DIAPH2: variants seen among roughly 807,000 people sequenced by gnomAD.
The protein encoded by DIAPH2 is protein diaphanous homolog 2.
A neutral mutation model predicts 92.7 loss-of-function variants in DIAPH2; 35 were observed. That is an observed-to-expected ratio of 0.38 (90% CI 0.29 to 0.50). DIAPH2 has a LOEUF of 0.50. DIAPH2 is among the 20% of genes least tolerant of loss of function. The pLI, the probability that DIAPH2 is intolerant of heterozygous loss-of-function variation, is 0.94. For missense variants in DIAPH2, 701 were observed against 819.5 expected, an observed-to-expected ratio of 0.86 and a Z score of 1.77; for synonymous variants, 301 against 280.4, an observed-to-expected ratio of 1.07 and a Z score of -0.73.
At chrX:96,795,979 C>A (rs1569397345) in intron 4 of DIAPH2, among the ~76,000 whole-genome samples, 1 of 110,828 alleles carries the variant, frequency 9.0e-6, no homozygotes, top group African/African-American at 3.3e-5. Flanking sequence ...ACACAACCAA[C>A]GGAGAAATAG....
At chrX:96,908,820 C>T (rs1436555386) in intron 5 of DIAPH2, among the ~76,000 whole-genome samples, 2 of 111,490 alleles carry the variant, frequency 1.8e-5, no homozygotes, top group East Asian at 2.8e-4. Context: ...AGGATGGTCT[C>T]GATCTCCTGA....
At chrX:97,112,765 CTTTTTTTTTTTTT>C (rs60721723) in intron 20 of DIAPH2, among the ~76,000 whole-genome samples, 3 of 37,236 alleles carry the variant, frequency 8.1e-5, no homozygotes, top group Non-Finnish European at 1.3e-4. Flanking sequence ...CCCTTTCTTT[CTTTTTTTTTTTTT>C]TTTTTTTTTT....
intron 25 of DIAPH2, among the ~76,000 whole-genome samples, chrX:97,420,004 A>AT (rs1005563743): frequency 5.4e-5 from 6 of 110,320 alleles, no homozygotes; most frequent in Admixed American, 1.9e-4. Context: ...CGAATGTGAG[A>AT]TTTTTTTTTC....
At chrX:97,410,629 T>C (rs988813202) in intron 25 of DIAPH2, among the ~76,000 whole-genome samples, 1 of 111,837 alleles carries the variant, frequency 8.9e-6, no homozygotes, top group African/African-American at 3.3e-5. Context: ...TAAAGGAGGA[T>C]GTTCAAACCC....
At chrX:97,503,337 A>C (rs1272220580) in intron 26 of DIAPH2, among the ~76,000 whole-genome samples, 1 of 112,142 alleles carries the variant, frequency 8.9e-6, no homozygotes, top group Non-Finnish European at 1.9e-5. Flanking sequence ...TGAGGTCTCC[A>C]GGCAAGGTTT....
At chrX:97,480,008 C>T (rs1449747320) in intron 26 of DIAPH2, among the ~76,000 whole-genome samples, 1 of 111,870 alleles carries the variant, frequency 8.9e-6, no homozygotes. Flanking sequence ...GAAAATAGTA[C>T]TTTAATAATA....
chrX:97,182,407 A>G (rs187594808), intron 22 of DIAPH2, among the ~76,000 whole-genome samples: 75 of 111,546 alleles, frequency 6.7e-4, no homozygotes, highest in African/African-American at 2.4e-3. Flanking sequence ...AATTTTATTT[A>G]GAAGGCTGAG....
At chrX:96,784,927 A>G (rs2064444218) in intron 4 of DIAPH2, among the ~76,000 whole-genome samples, 1 of 112,464 alleles carries the variant, frequency 8.9e-6, no homozygotes, top group African/African-American at 3.2e-5. Context: ...AAAGATGAGC[A>G]GCAGTGGTTA....
chrX:97,282,583 A>G lies in DIAPH2; in HGVS notation c.2844+34744A>G, dbSNP rs1012969817. ...CTTGGCCTCCCAAAGTGCTGGGATT[A>G]CAGGCATGAGCCACCATGCCTGGCC... On this transcript the variant is annotated intron_variant, in intron 23 of 26. Transcript: ENST00000324765. 4.5e-5 allele frequency among the ~76,000 whole-genome samples: 5 copies of G among 112,099 alleles called. No homozygotes were observed. In the East Asian group the frequency reaches 1.4e-3, roughly 31 times the overall value.
At position 96,726,242 on chromosome X, in the gene DIAPH2, C is replaced by G. The variant is rs376360892; in HGVS notation, c.133-9516C>G. On this transcript the variant is annotated intron_variant, in intron 1 of 26. Transcript: ENST00000324765. Reference sequence around the variant, plus strand: ...TCTCTCTGTCGCTCTCTTCCTCTGTCTCTCTCCTCCCCCAGCCCCAATTCT... The same window carrying G: ...TCTCTCTGTCGCTCTCTTCCTCTGTGTCTCTCCTCCCCCAGCCCCAATTCT... 7.7e-5 allele frequency among the ~76,000 whole-genome samples: 6 copies of G among 77,623 alleles called. No homozygotes were observed. The South Asian group carries it at 3.4e-3, about 44-fold the overall frequency. The allele number at this position is 77,623 out of a possible 115,157, so 67.4% of individuals were successfully genotyped here.
chrX:97,488,905 T>G (rs2070706724), intron 26 of DIAPH2, among the ~76,000 whole-genome samples: 2 of 112,161 alleles, frequency 1.8e-5, no homozygotes, highest in African/African-American at 6.5e-5. Context: ...ATGTTCTTCT[T>G]TCTCAAGATT....
intron 24 of DIAPH2, among the ~76,000 whole-genome samples, chrX:97,375,782 A>T (rs183532420): frequency 6.3e-4 from 70 of 110,855 alleles, no homozygotes; most frequent in African/African-American, 2.0e-3. Context: ...AATAAGCAAA[A>T]AGTTTCCACC....
chrX:96,739,356 A>G (rs1379398316), intron 3 of DIAPH2, among the ~76,000 whole-genome samples: 2 of 111,759 alleles, frequency 1.8e-5, no homozygotes, highest in Non-Finnish European at 3.8e-5. Context: ...GAGATGAGGA[A>G]TTAAACCGTA....
At chrX:97,353,115 A>G (rs2069234007) in intron 24 of DIAPH2, among the ~76,000 whole-genome samples, 1 of 110,309 alleles carries the variant, frequency 9.1e-6, no homozygotes, top group Non-Finnish European at 1.9e-5. Context: ...CCATGCATGT[A>G]ACAAGATTGC....
At chrX:96,864,497 T>C (rs1217223115) in intron 4 of DIAPH2, among the ~76,000 whole-genome samples, 2 of 111,854 alleles carry the variant, frequency 1.8e-5, no homozygotes, top group Admixed American at 9.5e-5. Flanking sequence ...TGAACTGTTA[T>C]CAAATTAATT....
intron 3 of DIAPH2, among the ~76,000 whole-genome samples, chrX:96,740,305 A>T (rs1353852883): frequency 3.6e-5 from 4 of 112,218 alleles, no homozygotes; most frequent in African/African-American, 1.3e-4. Context: ...CTGATTACCT[A>T]GATACCCCTC....
chrX:97,409,502 C>T (rs190185652), intron 25 of DIAPH2, among the ~76,000 whole-genome samples: 232 of 111,207 alleles, frequency 2.1e-3, no homozygotes, highest in Non-Finnish European at 3.6e-3. Context: ...GTACCTGGTT[C>T]ATCTCACTGG....
chrX:96,974,491 A>G (rs2065948231), intron 17 of DIAPH2, among the ~76,000 whole-genome samples: 1 of 111,675 alleles, frequency 9.0e-6, no homozygotes, highest in Admixed American at 9.5e-5. Context: ...TCTAAGGTCT[A>G]TTCTAGTTCC....
At chrX:96,786,368 A>G (rs1431467678) in intron 4 of DIAPH2, among the ~76,000 whole-genome samples, 1 of 111,913 alleles carries the variant, frequency 8.9e-6, no homozygotes. Flanking sequence ...AAGGGGCTTC[A>G]GGTAATTAGA....
Sources: allele counts gnomAD v4.1 joint callset (sites outside exome capture counted in the v4.1 genomes callset), GRCh38; gene constraint gnomAD v4.1.1; transcripts MANE v1.5; gene names NCBI Gene and HGNC (gene_info 2026-07-23, HGNC 2026-07-21).